ARHGEF26: variants seen among roughly 807,000 people sequenced by gnomAD.
The protein encoded by ARHGEF26 is Rho guanine nucleotide exchange factor (GEF) 26.
In ARHGEF26, 59 loss-of-function variants were observed where a neutral mutation model predicts 89.4. That is an observed-to-expected ratio of 0.66 (90% confidence interval 0.54 to 0.82). The LOEUF (loss-of-function observed/expected upper bound fraction) is 0.82. Ranked by LOEUF, ARHGEF26 falls within the 40% of genes least tolerant of loss-of-function variation. The pLI is 0.00. For missense variants in ARHGEF26, 1,234 were observed against 1,085.6 expected (o/e 1.14, Z -1.92); for synonymous variants, 500 against 428.4 (o/e 1.17, Z -2.06).
intron 10 of ARHGEF26, among the ~76,000 whole-genome samples, chr3:154,225,541 A>T (rs1377854495): frequency 6.6e-6 from 1 of 152,098 alleles, no homozygotes; most frequent in Non-Finnish European, 1.5e-5. Flanking sequence ...ATAACTCCTT[A>T]CTTTCTTTTT....
chr3:154,213,848 G>C (rs1715559234), intron 9 of ARHGEF26, among the ~76,000 whole-genome samples: 2 of 152,086 alleles, frequency 1.3e-5, no homozygotes, highest in Non-Finnish European at 2.9e-5. Flanking sequence ...CTCTGAAGGT[G>C]GTTTGTTTAT....
Position 154,254,748 on chromosome 3 carries a change from A to G in ARHGEF26, c.2397A>G (p.Ser799=), listed in dbSNP as rs762428434. The change falls in exon 14 of 15, where the codon TCA becomes TCG. Residue 799 remains serine (S), a synonymous_variant. Coordinates refer to ENST00000465093, the MANE Select transcript of ARHGEF26 (RefSeq NM_015595.4). ...TSLTQVEIVR[S]FTAKQPDELS... ...TGACCCAGGTGGAAATCGTTAGGTC[A>G]TTTACTGCTAAGCAGCCAGATGAAC... 2.5e-6 allele frequency: 4 copies of G among 1,613,832 alleles called. No individual in the cohort carries two copies. The South Asian group carries it at 3.3e-5, about 13-fold the overall frequency.
intron 9 of ARHGEF26, among the ~76,000 whole-genome samples, chr3:154,215,939 C>G (rs1164454570): frequency 1.3e-5 from 2 of 151,974 alleles, no homozygotes; most frequent in Non-Finnish European, 2.9e-5. Context: ...AAAAGACATA[C>G]AAGCATAGAA....
chr3:154,132,041 A>C (rs538637960), intron 4 of ARHGEF26, among the ~76,000 whole-genome samples: 1 of 152,212 alleles, frequency 6.6e-6, no homozygotes, highest in Non-Finnish European at 1.5e-5. Context: ...TGTTCCCGGG[A>C]GGCTTGTGTG....
chr3:154,228,834 A>T (rs953067465), intron 11 of ARHGEF26, among the ~76,000 whole-genome samples: 1 of 152,194 alleles, frequency 6.6e-6, no homozygotes, highest in African/African-American at 2.4e-5. Flanking sequence ...CAAGTTACAG[A>T]TAAAGGAAAA....
chr3:154,188,801 C>G (rs1273613124), intron 7 of ARHGEF26, among the ~76,000 whole-genome samples: 1 of 150,748 alleles, frequency 6.6e-6, no homozygotes, highest in African/African-American at 2.5e-5. Flanking sequence ...TGATGGCCCC[C>G]TTTTTCCTCC....
chr3:154,164,704 T>C (rs543822367), intron 6 of ARHGEF26, among the ~76,000 whole-genome samples: 1 of 152,142 alleles, frequency 6.6e-6, no homozygotes, highest in Non-Finnish European at 1.5e-5. Flanking sequence ...ATAGGAATGT[T>C]TGTGTTCATC....
chr3:154,253,078 A>C lies in ARHGEF26; in HGVS notation c.2301-38A>C, dbSNP rs554588730. On this transcript the variant is annotated intron_variant, in intron 12 of 14. Coordinates refer to ENST00000465093, the MANE Select transcript of ARHGEF26 (RefSeq NM_015595.4). ...AAAACACTCCATTCTGTGTTTTTAC[A>C]CCTTGAGTCTCTCAGTTGGATCTGC... 17 of 1,611,118 alleles carry C rather than the reference A, an allele frequency of 1.1e-5. No homozygotes were observed. In the Admixed American group the frequency reaches 1.8e-4, roughly 17 times the overall value.
At chr3:154,169,326 A>T (rs1712265899) in intron 6 of ARHGEF26, among the ~76,000 whole-genome samples, 1 of 152,134 alleles carries the variant, frequency 6.6e-6, no homozygotes, top group African/African-American at 2.4e-5. Context: ...ACCCAAAATC[A>T]ATACTTGTGG....
In ARHGEF26 at chr3:154,255,646, C is replaced by CAGTG. The variant is rs1718453279; in HGVS notation, c.*177_*180dup. ...CTCTCTCATGAGAAGAGCTTGGATA[C>CAGTG]AGTGAGTTTGCACAGCTCAGTTTTT... On this transcript the variant is annotated 3_prime_UTR_variant, in exon 15 of 15. Coordinates refer to ENST00000465093, the MANE Select transcript of ARHGEF26 (RefSeq NM_015595.4). 2 of 1,428,318 alleles carry CAGTG rather than the reference C, an allele frequency of 1.4e-6. No homozygotes were observed. The highest frequency in any genetic ancestry group is 1.4e-5 in the African/African-American group (1 of 69,484). The allele number at this position is 1,428,318 out of a possible 1,614,324, so 88.5% of individuals were successfully genotyped here. A position where few individuals can be genotyped will look rare whatever the true frequency, so the allele number is the denominator to read the frequency against.
intron 11 of ARHGEF26, among the ~76,000 whole-genome samples, chr3:154,229,747 C>T (rs1370399818): frequency 6.6e-6 from 1 of 152,270 alleles, no homozygotes; most frequent in East Asian, 1.9e-4. Context: ...CCCCATGGAG[C>T]AAATCCCTGC....
chr3:154,171,112 C>G (rs1443958223), intron 6 of ARHGEF26, among the ~76,000 whole-genome samples: 1 of 152,080 alleles, frequency 6.6e-6, no homozygotes, highest in East Asian at 1.9e-4. Context: ...AGAAAGTGGT[C>G]TAGAATCTGG....
intron 12 of ARHGEF26, among the ~76,000 whole-genome samples, chr3:154,247,704 T>C (rs766852226): frequency 4.6e-5 from 7 of 152,228 alleles, no homozygotes; most frequent in African/African-American, 9.6e-5. Context: ...TTTTTGTTAC[T>C]GCTGGAGCAG....
At position 154,240,542 on chromosome 3, in the gene ARHGEF26, A is replaced by G; in HGVS notation, c.2263A>G (p.Asn755Asp). 1 of 1,612,754 alleles carries G rather than the reference A, an allele frequency of 6.2e-7. No homozygotes were observed. The highest frequency in any genetic ancestry group is 8.5e-7 in the Non-Finnish European group (1 of 1,179,316). Residue 755 changes from asparagine to aspartate, a missense_variant, in exon 12 of 15, where the codon AAT becomes GAT. Coordinates refer to ENST00000465093, the MANE Select transcript of ARHGEF26 (RefSeq NM_015595.4). ...FTLTVLSNHA[N>D]EKVEMLLGAE... ...TCTGACAGTCCTTAGTAACCACGCGAATGAGAAAGTGGAGATGCTACTAGG... is the reference window on the plus strand; with the variant it reads ...TCTGACAGTCCTTAGTAACCACGCGGATGAGAAAGTGGAGATGCTACTAGG...
At chr3:154,177,922 GC>G (rs1427450863) in intron 6 of ARHGEF26, among the ~76,000 whole-genome samples, 2 of 152,102 alleles carry the variant, frequency 1.3e-5, no homozygotes, top group African/African-American at 4.8e-5. Flanking sequence ...GGCTTTATTG[GC>G]CAGGTACAGT....
chr3:154,155,493 G>C (rs1456691894), intron 6 of ARHGEF26, among the ~76,000 whole-genome samples: 1 of 151,794 alleles, frequency 6.6e-6, no homozygotes, highest in Non-Finnish European at 1.5e-5. Flanking sequence ...AGCTGTTAGA[G>C]GCATCTTATC....
intron 3 of ARHGEF26, 111 bp from the exon 4 acceptor site, chr3:154,129,463 C>G: frequency 1.6e-5 from 19 of 1,173,106 alleles, no homozygotes; most frequent in Non-Finnish European, 2.2e-5. Flanking sequence ...CTGTTTGTCT[C>G]TCTGTTTATA....
At position 154,129,667 on chromosome 3, in the gene ARHGEF26, A is replaced by G. The variant is rs1718558190; in HGVS notation, c.1217A>G (p.Lys406Arg). Residue 406 changes from lysine to arginine, a missense_variant, in exon 4 of 15, where the codon AAA becomes AGA. Transcript: ENST00000465093. The part of the protein sequence containing the change: ...SEPKEQKSDE[K>R]IVIHHKPLRS... ...CCCAAAGAACAGAAGTCAGATGAAA[A>G]AATTGTGATTCACCATAAGCCATTG... 1.2e-6 allele frequency: 2 copies of G among 1,612,364 alleles called. No homozygotes were observed. The highest frequency in any genetic ancestry group is 4.5e-5 in the East Asian group (2 of 44,860).
chr3:154,257,031 C>G lies in ARHGEF26; in HGVS notation c.*1558C>G. On this transcript the variant is annotated 3_prime_UTR_variant, in exon 15 of 15. Transcript: ENST00000465093. ...GCAAAGTGTACATTATTGGAGGACT[C>G]AAATCTGTATGTGACATGTCCCAAC... The G allele has an allele frequency of 6.9e-7, 1 of 1,457,494 alleles. No homozygotes were observed. Among genetic ancestry groups the G allele is most frequent in the Non-Finnish European group, 9.0e-7 (1 of 1,111,384 alleles). The allele number at this position is 1,457,494 out of a possible 1,614,324, so 90.3% of individuals were successfully genotyped here.
Sources: gnomAD v4.1 joint callset for allele counts (sites outside exome capture counted in the v4.1 genomes callset) on GRCh38, gnomAD v4.1.1 for gene constraint, MANE v1.5 for transcripts, NCBI Gene and HGNC (gene_info 2026-07-23, HGNC 2026-07-21) for gene names.